Variants in BCAS3 observed in about 807,000 individuals in gnomAD.
The protein encoded by BCAS3 is BCAS3 microtubule associated cell migration factor, also known as BCAS4/BCAS3 fusion.
In BCAS3, 53 loss-of-function variants were observed where a neutral mutation model predicts 116.1. That is an observed-to-expected ratio of 0.46 (90% CI 0.37 to 0.57). BCAS3 has a LOEUF of 0.57. Among genes scored for constraint, BCAS3 ranks in the 20% least tolerant of loss-of-function variants. The probability of loss-of-function intolerance (pLI) is 0.00; values close to 1 mark genes in which losing one functional copy is unlikely to be tolerated. For missense variants in BCAS3, 917 were observed against 1,165.4 expected, an observed-to-expected ratio of 0.79 and a Z score of 3.10; for synonymous variants, 391 against 408.2, an observed-to-expected ratio of 0.96 and a Z score of 0.51.
rs55736464 is a variant in BCAS3, at chr17:61,070,366, A to AATAT, written c.2030-4523_2030-4520dup. On this transcript the variant is annotated intron_variant, in intron 19 of 23. Transcript: ENST00000407086. The stretch of plus-strand genomic sequence containing the variant: ...AACTGAGTCCAGCTGCCTAATTCTG[A>AATAT]ATATATATATATATATATATATATA... 1,300 of 313,944 alleles carry AATAT rather than the reference A, an allele frequency of 4.1e-3. 60 individuals carry two copies. Among genetic ancestry groups the AATAT allele is most frequent in the African/African-American group, 6.3e-3 (223 of 35,166 alleles). 19.4% of individuals were successfully genotyped at this position (313,944 alleles called of 1,614,324 possible). A position where few individuals can be genotyped will look rare whatever the true frequency, so the allele number is the denominator to read the frequency against.
intron 7 of BCAS3, among the ~76,000 whole-genome samples, chr17:60,816,272 TTC>T (rs2049383115): frequency 7.5e-6 from 1 of 132,892 alleles, no homozygotes; most frequent in African/African-American, 4.1e-5. Flanking sequence ...TTCTTTCTTT[TTC>T]TTTTCTTTTT....
intron 6 of BCAS3, among the ~76,000 whole-genome samples, chr17:60,757,310 G>A (rs1203190308): frequency 3.0e-5 from 3 of 100,232 alleles, no homozygotes; most frequent in Non-Finnish European, 4.7e-5. Flanking sequence ...GCAAGACTCT[G>A]TCTCAAAAAA....
Position 60,990,234 on chromosome 17 carries a change from T to C in BCAS3, c.1485T>C (p.His495=). The change falls in exon 15 of 24, where the codon CAT becomes CAC. Residue 495 remains histidine (H), a splice_region_variant and synonymous_variant. Coordinates refer to ENST00000407086, the MANE Select transcript of BCAS3 (RefSeq NM_017679.5). This position sits in a 1 kb window ranked among gnomAD's most constrained non-coding sequence, Gnocchi z 5.1. Reference sequence around the variant, plus strand: ...GCAGCCCTTCTGGGTCACCCTTGCATGGTAATTTTCTCTGTCTCCACTGTT... The same window carrying C: ...GCAGCCCTTCTGGGTCACCCTTGCACGGTAATTTTCTCTGTCTCCACTGTT... ...LSSSPSGSPL[H]GKLNSQDSYN... 3 of 1,612,424 alleles carry C rather than the reference T, an allele frequency of 1.9e-6. No homozygotes were observed. The highest frequency in any genetic ancestry group is 2.7e-5 in the African/African-American group (2 of 75,034).
chr17:60,782,352 G>A (rs2144495363), intron 6 of BCAS3, among the ~76,000 whole-genome samples: 1 of 152,004 alleles, frequency 6.6e-6, no homozygotes, highest in South Asian at 2.1e-4. Flanking sequence ...ATTTTTTGAG[G>A]ACTTAGTATG....
At chr17:61,245,268 C>G (rs1467692469) in intron 22 of BCAS3, 1 of 152,026 alleles carries the variant, frequency 6.6e-6, no homozygotes, top group East Asian at 1.9e-4. Flanking sequence ...GAAACTGCCC[C>G]CATGATTCAA....
At chr17:61,009,066 T>G (rs2064925712) in intron 15 of BCAS3, among the ~76,000 whole-genome samples, 1 of 151,812 alleles carries the variant, frequency 6.6e-6, no homozygotes, top group Non-Finnish European at 1.5e-5. Flanking sequence ...GTCGTAGGAG[T>G]CTAGAGTACT....
chr17:61,253,800 G>T (rs566034315), intron 22 of BCAS3, among the ~76,000 whole-genome samples: 1 of 151,928 alleles, frequency 6.6e-6, no homozygotes, highest in African/African-American at 2.4e-5. Context: ...AGTTTTAGTT[G>T]AAAGAGACTT....
At position 60,851,241 on chromosome 17, in the gene BCAS3, A is replaced by ATTT. The variant is rs1407689852; in HGVS notation, c.477-17334_477-17333insTTT. Reference sequence around the variant, plus strand: ...AACCTGAACAGTAAGAAAATGAACAATCCTATTAAAAAATGAGCAAAAGGG... The same window carrying ATTT: ...AACCTGAACAGTAAGAAAATGAACAATTTTCCTATTAAAAAATGAGCAAAAGGG... On this transcript the variant is annotated intron_variant, in intron 7 of 23. Coordinates refer to ENST00000407086, the MANE Select transcript of BCAS3 (RefSeq NM_017679.5). 3 of 227,022 alleles carry ATTT rather than the reference A, an allele frequency of 1.3e-5. 1 individual carries two copies. The Admixed American group carries it at 1.6e-4, about 12-fold the overall frequency. 14.1% of individuals were successfully genotyped at this position (227,022 alleles called of 1,614,324 possible). A position where few individuals can be genotyped will look rare whatever the true frequency, so the allele number is the denominator to read the frequency against.
At chr17:61,360,324 CTT>C (rs2058386819) in intron 22 of BCAS3, among the ~76,000 whole-genome samples, 2 of 152,194 alleles carry the variant, frequency 1.3e-5, no homozygotes, top group African/African-American at 4.8e-5. Flanking sequence ...TTAATACAGT[CTT>C]TCATAATACT....
chr17:61,391,891 C>A lies in BCAS3; in HGVS notation c.2594-86C>A. 6.8e-7 allele frequency: 1 copy of A among 1,478,450 alleles called. No homozygotes were observed. Among genetic ancestry groups the A allele is most frequent in the Non-Finnish European group, 9.2e-7 (1 of 1,088,316 alleles). The allele number at this position is 1,478,450 out of a possible 1,614,324, so 91.6% of individuals were successfully genotyped here. A position where few individuals can be genotyped will look rare whatever the true frequency, so the allele number is the denominator to read the frequency against. On this transcript the variant is annotated intron_variant, in intron 23 of 23. Coordinates refer to ENST00000407086, the MANE Select transcript of BCAS3 (RefSeq NM_017679.5). This position sits in a 1 kb window ranked among gnomAD's most constrained non-coding sequence, Gnocchi z 7.7. ...GACACAAGTGAACCCAGAATGGTGC[C>A]TCAAGGCAGGCAGCCTGGCCCAGAT...
intron 12 of BCAS3, among the ~76,000 whole-genome samples, chr17:60,917,616 T>C (rs2058840681): frequency 1.3e-5 from 2 of 151,732 alleles, no homozygotes; most frequent in African/African-American, 2.4e-5. Context: ...TTTATTGAAA[T>C]GGAGTCTTGC....
chr17:61,048,057 A>G (rs1429908948), intron 19 of BCAS3, among the ~76,000 whole-genome samples: 2 of 152,046 alleles, frequency 1.3e-5, no homozygotes, highest in Non-Finnish European at 2.9e-5. Context: ...GGTCCATAGT[A>G]CTTCCCTGTG....
intron 5 of BCAS3, among the ~76,000 whole-genome samples, chr17:60,742,578 G>A (rs1467806543): frequency 6.6e-6 from 1 of 151,548 alleles, no homozygotes; most frequent in Non-Finnish European, 1.5e-5. Flanking sequence ...GACTACAGGT[G>A]TGTGCCACCA....
At chr17:60,823,816 G>A (rs903379316) in intron 7 of BCAS3, among the ~76,000 whole-genome samples, 1 of 152,130 alleles carries the variant, frequency 6.6e-6, no homozygotes, top group Non-Finnish European at 1.5e-5. Context: ...CTTCCATCTT[G>A]TGCTTTTTTT....
chr17:61,018,492 G>A (rs988734380), intron 16 of BCAS3, among the ~76,000 whole-genome samples: 1 of 151,808 alleles, frequency 6.6e-6, no homozygotes, highest in African/African-American at 2.4e-5. Context: ...AGTACAGACA[G>A]GGTTTCGCCA....
rs61645091 is a variant in BCAS3, at chr17:60,757,394, ATGTGTGTGTGTGTG to A, written c.403+10145_403+10158del. On this transcript the variant is annotated intron_variant, in intron 6 of 23. Transcript: ENST00000407086. ...TCTCTGCATCCTTGCCAGCATGTATATGTGTGTGTGTGTGTGTGTGTGTGTGTGTGTGTGTGTGT... is the reference window on the plus strand; with the variant it reads ...TCTCTGCATCCTTGCCAGCATGTATATGTGTGTGTGTGTGTGTGTGTGTGT... Among the ~76,000 whole-genome samples the A allele has an allele frequency of 1.9e-3, 266 of 136,672 alleles. 1 individual carries two copies. In the Middle Eastern group the frequency reaches 0.022, roughly 11 times the overall value. 89.7% of individuals were successfully genotyped at this position (136,672 alleles called of 152,430 possible). A position where few individuals can be genotyped will look rare whatever the true frequency, so the allele number is the denominator to read the frequency against.
chr17:60,844,945 C>T (rs981304969), intron 7 of BCAS3, among the ~76,000 whole-genome samples: 2 of 152,028 alleles, frequency 1.3e-5, no homozygotes, highest in Admixed American at 6.6e-5. Context: ...AATGCTCCAA[C>T]AAGGCTGGGC....
At chr17:61,216,923 C>A (rs958656441) in intron 22 of BCAS3, among the ~76,000 whole-genome samples, 1 of 152,054 alleles carries the variant, frequency 6.6e-6, no homozygotes, top group African/African-American at 2.4e-5. Context: ...CTGCTTGAAT[C>A]TAAATACCTT....
rs1187038357 is a variant in BCAS3 at position 61,134,005 on chromosome 17, A to T, written c.2425+49441A>T. On this transcript the variant is annotated intron_variant, in intron 22 of 23. Transcript: ENST00000407086. The surrounding 1 kb of genome is among the most constrained non-coding windows in gnomAD (Gnocchi z 4.6). ...AAGGAGCAATGGAGCAGAGTTGGAG[A>T]GATGAAAGCATTTGAAGACTGCAAA... Among the ~76,000 whole-genome samples, 2 of 152,136 alleles carry T rather than the reference A, an allele frequency of 1.3e-5. No individual in the cohort carries two copies. The highest frequency in any genetic ancestry group is 2.9e-5 in the Non-Finnish European group (2 of 68,020).
Sources: allele counts gnomAD v4.1 joint callset (sites outside exome capture counted in the v4.1 genomes callset), GRCh38; gene constraint gnomAD v4.1.1; non-coding constraint Gnocchi (gnomAD v3.1); transcripts MANE v1.5; gene names NCBI Gene and HGNC (gene_info 2026-07-23, HGNC 2026-07-21).